The following TOX3 variants were observed in gnomAD, a reference collection of about 807,000 sequenced individuals.
TOX3 encodes TOX high mobility group box family member 3.
TOX3 carries 22 observed loss-of-function variants against 64.3 expected under a neutral mutation model. That is an observed-to-expected ratio of 0.34 (90% CI 0.24 to 0.49). TOX3 has a LOEUF of 0.49. Among genes scored for constraint, TOX3 ranks in the 20% least tolerant of loss-of-function variants. The pLI is 0.99. For missense variants in TOX3, 661 were observed against 714.4 expected (o/e 0.93, Z 0.85); for synonymous variants, 291 against 273.6 (o/e 1.06, Z -0.63).
chr16:52,495,886 A>G (rs916172307), intron 1 of TOX3, among the ~76,000 whole-genome samples: 7 of 152,138 alleles, frequency 4.6e-5, no homozygotes, highest in African/African-American at 1.7e-4. Flanking sequence ...TCTTCCGTTT[A>G]TTCTCACAAG....
intron 1 of TOX3, among the ~76,000 whole-genome samples, chr16:52,472,320 C>A (rs1961072915): frequency 1.3e-5 from 2 of 152,146 alleles, no homozygotes; most frequent in South Asian, 2.1e-4. Context: ...AACAAACAAA[C>A]AACATGCTGT....
intron 1 of TOX3, among the ~76,000 whole-genome samples, chr16:52,507,389 C>T (rs1236810420): frequency 6.6e-6 from 1 of 152,114 alleles, no homozygotes; most frequent in Admixed American, 6.5e-5. Flanking sequence ...GAGAGTGAGA[C>T]CCCATCTCCA....
At chr16:52,469,444 G>A (rs1413945156) in intron 1 of TOX3, among the ~76,000 whole-genome samples, 2 of 152,110 alleles carry the variant, frequency 1.3e-5, no homozygotes, top group Non-Finnish European at 2.9e-5. Flanking sequence ...ATATGGAAAG[G>A]CTCTGTGAGT....
intron 1 of TOX3, among the ~76,000 whole-genome samples, chr16:52,515,085 C>T (rs1413538009): frequency 7.2e-6 from 1 of 139,566 alleles, no homozygotes. Context: ...TCGAGTCTGT[C>T]TTGTTTTGTC....
At chr16:52,533,219 G>A (rs1269045723) in intron 1 of TOX3, among the ~76,000 whole-genome samples, 1 of 152,102 alleles carries the variant, frequency 6.6e-6, no homozygotes, top group African/African-American at 2.4e-5. Context: ...AGTGTGGCTG[G>A]GACCATCCAT....
At chr16:52,454,981 T>C (rs1466934713) in intron 3 of TOX3, among the ~76,000 whole-genome samples, 5 of 152,202 alleles carry the variant, frequency 3.3e-5, no homozygotes, top group Non-Finnish European at 5.9e-5. Flanking sequence ...ATTTTGTTAA[T>C]ATTACTTCTT....
chr16:52,546,692 C>T lies in TOX3; in HGVS notation c.32G>A (p.Gly11Glu). ...CGCGAAGTCCAGGCTGGCAGGGTCC[C>T]CGGCCGCCGCGGGGTAGAACCTCAC... MDVRFYPAAA[G>E]DPASLDFAQC... is the part of the protein sequence containing the mutation. The change falls in exon 1 of 7, where the codon GGG (glycine) becomes GAG (glutamate). Residue 11 changes from glycine (G) to glutamate (E), a missense_variant. Physicochemically the swap from Gly to Glu is moderately conservative, Grantham distance 98. Transcript: ENST00000219746. 6.5e-7 allele frequency: 1 copy of T among 1,541,878 alleles called. No homozygotes were observed. Among genetic ancestry groups the T allele is most frequent in the Non-Finnish European group, 8.7e-7 (1 of 1,147,652 alleles).
chr16:52,542,542 G>C (rs537089139), intron 1 of TOX3, among the ~76,000 whole-genome samples: 3 of 152,070 alleles, frequency 2.0e-5, no homozygotes, highest in Non-Finnish European at 4.4e-5. Context: ...CCAAATGTTG[G>C]CATGGCAACA....
intron 4 of TOX3, among the ~76,000 whole-genome samples, chr16:52,447,251 C>T (rs927493528): frequency 2.0e-5 from 3 of 152,148 alleles, no homozygotes; most frequent in Non-Finnish European, 4.4e-5. Context: ...ATCAAGAATC[C>T]TGCAATGTTT....
chr16:52,535,196 TCA>T (rs1962922342), intron 1 of TOX3, among the ~76,000 whole-genome samples: 1 of 152,162 alleles, frequency 6.6e-6, no homozygotes, highest in Admixed American at 6.5e-5. Context: ...CATCGCTCAC[TCA>T]CACACAGCAC....
chr16:52,504,663 G>A (rs898299857), intron 1 of TOX3, among the ~76,000 whole-genome samples: 14 of 152,162 alleles, frequency 9.2e-5, no homozygotes, highest in African/African-American at 3.1e-4. Context: ...ATGGGGTAAC[G>A]GAGGCTTTTA....
chr16:52,482,167 C>T (rs1036714742), intron 1 of TOX3, among the ~76,000 whole-genome samples: 2 of 152,040 alleles, frequency 1.3e-5, no homozygotes, highest in South Asian at 2.1e-4. Flanking sequence ...GGAATTCAGT[C>T]AAGATGTAAA....
At position 52,446,241 on chromosome 16, in the gene TOX3, T is replaced by C. The variant is rs1477526535; in HGVS notation, c.679-20A>G. On this transcript the variant is annotated intron_variant, in intron 4 of 6. Transcript: ENST00000219746. ...AATGGCCTGCAAAGCAGGAAGAAAA[T>C]TCACTGCCTAGAATGTACTTGCAGA... The C allele has an allele frequency of 3.1e-6, 5 of 1,608,192 alleles. No individual in the cohort carries two copies. The African/African-American group carries it at 5.4e-5, about 17-fold the overall frequency.
intron 5 of TOX3, chr16:52,445,080 C>A (rs2151742042): frequency 6.6e-6 from 1 of 152,282 alleles, no homozygotes; most frequent in Middle Eastern, 3.4e-3. Flanking sequence ...TTTCCAGTCC[C>A]TCAGAATTAT....
chr16:52,545,792 C>G (rs1020018683), intron 1 of TOX3, among the ~76,000 whole-genome samples: 1 of 152,104 alleles, frequency 6.6e-6, no homozygotes, highest in Non-Finnish European at 1.5e-5. Flanking sequence ...GAATTCCGCG[C>G]GGCCCGGGTA....
intron 1 of TOX3, among the ~76,000 whole-genome samples, chr16:52,500,102 T>A (rs558238680): frequency 1.6e-4 from 25 of 152,324 alleles, no homozygotes; most frequent in African/African-American, 5.5e-4. Context: ...ATCATGGTTT[T>A]CTCCTCCAAA....
At chr16:52,504,958 C>G (rs997640504) in intron 1 of TOX3, among the ~76,000 whole-genome samples, 4 of 152,092 alleles carry the variant, frequency 2.6e-5, no homozygotes, top group Non-Finnish European at 5.9e-5. Context: ...CCTCAGCCAC[C>G]CAAGTAGCTG....
At chr16:52,476,606 C>A (rs1190601171) in intron 1 of TOX3, among the ~76,000 whole-genome samples, 2 of 151,948 alleles carry the variant, frequency 1.3e-5, no homozygotes, top group Non-Finnish European at 2.9e-5. Context: ...ATCTCTGGTT[C>A]TCTTCGAATA....
chr16:52,441,232 T>C (rs1349146695), intron 6 of TOX3, among the ~76,000 whole-genome samples: 1 of 152,234 alleles, frequency 6.6e-6, no homozygotes, highest in Admixed American at 6.5e-5. Context: ...AAGCCCTGTG[T>C]TGTGTGATTA....
Sources: gnomAD v4.1 joint callset for allele counts (sites outside exome capture counted in the v4.1 genomes callset) on GRCh38, gnomAD v4.1.1 for gene constraint, MANE v1.5 for transcripts, NCBI Gene and HGNC (gene_info 2026-07-23, HGNC 2026-07-21) for gene names.